Variants in UTRN observed in about 807,000 individuals in gnomAD.
UTRN encodes the protein dystrophin-related protein 1.
In UTRN, 283 loss-of-function variants were observed where a neutral mutation model predicts 463.9. That is an observed-to-expected ratio of 0.61 (90% CI 0.55 to 0.67). The LOEUF (loss-of-function observed/expected upper bound fraction) is 0.67. Among genes scored for constraint, UTRN ranks in the 30% least tolerant of loss-of-function variants. UTRN has a pLI of 0.00. For missense variants in UTRN, 3,922 were observed against 4,084.3 expected, an observed-to-expected ratio of 0.96 and a Z score of 1.08; for synonymous variants, 1,442 against 1,431.5, an observed-to-expected ratio of 1.01 and a Z score of -0.17.
At chr6:144,502,616 C>T (rs189026948) in intron 34 of UTRN, among the ~76,000 whole-genome samples, 207 of 152,270 alleles carry the variant, frequency 1.4e-3, no homozygotes, top group Middle Eastern at 3.4e-3. Context: ...ACATAGTATT[C>T]CATGGTATAT....
chr6:144,557,572 G>C (rs1190863461), intron 50 of UTRN, among the ~76,000 whole-genome samples: 1 of 151,720 alleles, frequency 6.6e-6, no homozygotes, highest in African/African-American at 2.4e-5. Flanking sequence ...ATGATTATGT[G>C]TTCTGATTGT....
chr6:144,588,180 C>T, intron 51 of UTRN, among the ~76,000 whole-genome samples: 1 of 152,140 alleles, frequency 6.6e-6, no homozygotes, highest in East Asian at 1.9e-4. Flanking sequence ...CCCTGCCTGC[C>T]ACTATCAGAC....
At chr6:144,308,479 T>C (rs1805952033) in intron 2 of UTRN, among the ~76,000 whole-genome samples, 2 of 152,010 alleles carry the variant, frequency 1.3e-5, no homozygotes, top group Admixed American at 1.3e-4. Context: ...TTTTTGTAGA[T>C]AAGAGGTTTC....
chr6:144,418,322 T>A (rs1030070526), intron 3 of UTRN, among the ~76,000 whole-genome samples: 1 of 150,872 alleles, frequency 6.6e-6, no homozygotes, highest in Admixed American at 6.6e-5. Context: ...CATGCCATTC[T>A]CCTGCCTCAG....
chr6:144,490,830 G>T, intron 31 of UTRN, 99 bp from the exon 32 acceptor site: 1 of 1,333,084 alleles, frequency 7.5e-7, no homozygotes, highest in Non-Finnish European at 1.0e-6. Context: ...TTTTTCTTTT[G>T]GTACTTTATG....
intron 50 of UTRN, among the ~76,000 whole-genome samples, chr6:144,562,144 C>G (rs1469964313): frequency 6.6e-6 from 1 of 152,058 alleles, no homozygotes; most frequent in Non-Finnish European, 1.5e-5. Context: ...AAAAGTCCAA[C>G]CATCCTGGGA....
rs71956972 is a variant in UTRN at position 144,715,694 on chromosome 6, C to CCCT, written c.7810-14661_7810-14660insTCC. 3.7e-5 allele frequency among the ~76,000 whole-genome samples: 3 copies of CCCT among 81,710 alleles called. No individual in the cohort carries two copies. The African/African-American group carries it at 7.9e-4, about 22-fold the overall frequency. The allele number at this position is 81,710 out of a possible 152,430, so 53.6% of individuals were successfully genotyped here. On this transcript the variant is annotated intron_variant, in intron 53 of 74. Coordinates refer to ENST00000367545, the MANE Select transcript of UTRN (RefSeq NM_007124.3). The stretch of plus-strand genomic sequence containing the variant: ...CTCTCTCTCTCATTCTCTCTCTCTT[C>CCCT]CCCCCCCACCCTTTTCTACTTCTTT...
chr6:144,789,708 T>G (rs1250300590), intron 62 of UTRN, among the ~76,000 whole-genome samples: 2 of 152,226 alleles, frequency 1.3e-5, no homozygotes, highest in Non-Finnish European at 2.9e-5. Context: ...AAACTTTTTT[T>G]TATTTCTTTA....
chr6:144,704,798 C>T (rs924500713), intron 53 of UTRN, among the ~76,000 whole-genome samples: 1 of 152,010 alleles, frequency 6.6e-6, no homozygotes, highest in Non-Finnish European at 1.5e-5. Flanking sequence ...CCCGCCCCTA[C>T]TAAAAATACA....
chr6:144,512,668 G>T (rs1456624722), intron 35 of UTRN, among the ~76,000 whole-genome samples: 3 of 151,802 alleles, frequency 2.0e-5, no homozygotes, highest in Non-Finnish European at 4.4e-5. Flanking sequence ...AGCCTTGAGA[G>T]TAGCTGGGAC....
intron 19 of UTRN, among the ~76,000 whole-genome samples, chr6:144,455,917 A>C (rs538376945): frequency 7.9e-5 from 12 of 152,334 alleles, no homozygotes; most frequent in Admixed American, 1.3e-4. Context: ...GCTACTTGCA[A>C]AAGGCCAAAG....
intron 2 of UTRN, among the ~76,000 whole-genome samples, chr6:144,378,558 G>A (rs1204884298): frequency 6.6e-6 from 1 of 152,184 alleles, no homozygotes; most frequent in Non-Finnish European, 1.5e-5. Context: ...TGAGAACAGG[G>A]TGAAGGAGGC....
intron 2 of UTRN, among the ~76,000 whole-genome samples, chr6:144,366,626 CA>C (rs1417859613): frequency 6.6e-6 from 1 of 152,162 alleles, no homozygotes; most frequent in Non-Finnish European, 1.5e-5. Flanking sequence ...ATATGTAACA[CA>C]TTTTCTTTAT....
intron 2 of UTRN, among the ~76,000 whole-genome samples, chr6:144,361,574 T>TAA (rs532062201): frequency 9.3e-5 from 14 of 151,310 alleles, no homozygotes; most frequent in African/African-American, 3.4e-4. Context: ...CCTTGTTCTT[T>TAA]AAAAAAAAAT....
At chr6:144,441,208 T>C (rs761207683) in intron 13 of UTRN, among the ~76,000 whole-genome samples, 8 of 152,134 alleles carry the variant, frequency 5.3e-5, no homozygotes, top group Non-Finnish European at 1.0e-4. Context: ...CAGCATTAAC[T>C]CAAAAGTCCA....
At chr6:144,573,138 CT>C (rs1801111899) in intron 50 of UTRN, among the ~76,000 whole-genome samples, 1 of 151,930 alleles carries the variant, frequency 6.6e-6, no homozygotes, top group Non-Finnish European at 1.5e-5. Flanking sequence ...TTTTTTTCAT[CT>C]GTTTGTTGGC....
intron 42 of UTRN, among the ~76,000 whole-genome samples, chr6:144,531,717 G>A (rs1251053783): frequency 2.6e-5 from 4 of 152,022 alleles, no homozygotes; most frequent in Admixed American, 1.3e-4. Context: ...AAAAATAATG[G>A]TAGAAAGCAC....
At chr6:144,712,697 G>A (rs1785863679) in intron 53 of UTRN, among the ~76,000 whole-genome samples, 1 of 152,184 alleles carries the variant, frequency 6.6e-6, no homozygotes, top group Non-Finnish European at 1.5e-5. Context: ...TTGAAAACAA[G>A]TACTACAGTA....
At chr6:144,561,539 T>C (rs968772507) in intron 50 of UTRN, among the ~76,000 whole-genome samples, 1 of 152,054 alleles carries the variant, frequency 6.6e-6, no homozygotes, top group Non-Finnish European at 1.5e-5. Flanking sequence ...TTTTTCTCCT[T>C]GTCCTTATCG....
Sources: allele counts gnomAD v4.1 joint callset (sites outside exome capture counted in the v4.1 genomes callset), GRCh38; gene constraint gnomAD v4.1.1; transcripts MANE v1.5; gene names NCBI Gene and HGNC (gene_info 2026-07-23, HGNC 2026-07-21).